RGS7: variants seen among roughly 807,000 people sequenced by gnomAD.
RGS7 encodes regulator of G protein signaling 7, also known as regulator of G-protein signaling 7.
In RGS7, 27 loss-of-function variants were observed where a neutral mutation model predicts 81.1. The ratio of observed to expected loss-of-function variants is 0.33; its 90% confidence interval spans 0.25 to 0.46. The LOEUF (loss-of-function observed/expected upper bound fraction) is 0.46. RGS7 is among the 20% of genes least tolerant of loss of function. The probability of loss-of-function intolerance (pLI) is 1.00; values close to 1 mark genes in which losing one functional copy is unlikely to be tolerated. For missense variants in RGS7, 396 were observed against 607.4 expected, an observed-to-expected ratio of 0.65 and a Z score of 3.66; for synonymous variants, 208 against 207.7, an observed-to-expected ratio of 1.00 and a Z score of -0.01.
intron 16 of RGS7, among the ~76,000 whole-genome samples, chr1:240,801,789 C>A (rs12127731): frequency 6.6e-6 from 1 of 152,108 alleles, no homozygotes; most frequent in Non-Finnish European, 1.5e-5. Context: ...ATATGTGAAG[C>A]CTTTATACTG....
Position 241,355,833 on chromosome 1 carries a change from A to AG in RGS7, c.-50-8dup. On this transcript the variant is annotated splice_region_variant and splice_polypyrimidine_tract_variant and intron_variant, in intron 1 of 18. Transcript: ENST00000440928. ...CAAGAATTATCAGTGTGCCCTGCAA[A>AG]GGGTCAGAGAGACTTCAGTGAGATC... is the stretch of plus-strand genomic sequence containing the variant. 7.0e-7 allele frequency: 1 copy of AG among 1,437,866 alleles called. No individual in the cohort carries two copies. Among genetic ancestry groups the AG allele is most frequent in the Non-Finnish European group, 9.8e-7 (1 of 1,019,468 alleles). The allele number at this position is 1,437,866 out of a possible 1,614,324, so 89.1% of individuals were successfully genotyped here. A position where few individuals can be genotyped will look rare whatever the true frequency, so the allele number is the denominator to read the frequency against.
intron 3 of RGS7, among the ~76,000 whole-genome samples, chr1:241,030,671 C>A (rs1300578224): frequency 6.6e-6 from 1 of 152,070 alleles, no homozygotes; most frequent in Non-Finnish European, 1.5e-5. Flanking sequence ...CTAGTCTCAG[C>A]CACTATCATC....
intron 2 of RGS7, among the ~76,000 whole-genome samples, chr1:241,239,980 T>C (rs1034580661): frequency 2.6e-5 from 4 of 152,092 alleles, no homozygotes; most frequent in African/African-American, 4.8e-5. Flanking sequence ...AATAAATGGA[T>C]TATACGCAGG....
chr1:240,792,094 T>C (rs1686109557), intron 18 of RGS7, among the ~76,000 whole-genome samples: 1 of 152,190 alleles, frequency 6.6e-6, no homozygotes, highest in South Asian at 2.1e-4. Context: ...TGAATAATAA[T>C]TCAAGTTCAA....
chr1:241,043,196 G>A (rs888841244), intron 3 of RGS7, among the ~76,000 whole-genome samples: 1 of 151,932 alleles, frequency 6.6e-6, no homozygotes, highest in Non-Finnish European at 1.5e-5. Context: ...TCTTTAAAAT[G>A]TTCTGAATCT....
chr1:240,957,581 A>G (rs2148460283), intron 4 of RGS7, among the ~76,000 whole-genome samples: 1 of 152,372 alleles, frequency 6.6e-6, no homozygotes, highest in South Asian at 2.1e-4. Context: ...GATGTCTTGG[A>G]TGGAACCCTG....
chr1:241,069,203 T>C (rs912512886), intron 3 of RGS7, among the ~76,000 whole-genome samples: 1 of 152,262 alleles, frequency 6.6e-6, no homozygotes, highest in Non-Finnish European at 1.5e-5. Context: ...TCTTGGCCAC[T>C]ATCATGTCCT....
chr1:241,287,074 G>A (rs556555201), intron 2 of RGS7, among the ~76,000 whole-genome samples: 1 of 152,322 alleles, frequency 6.6e-6, no homozygotes, highest in South Asian at 2.1e-4. Context: ...ATTCTAAACT[G>A]ATCAATGCTG....
intron 9 of RGS7, among the ~76,000 whole-genome samples, chr1:240,854,895 T>C (rs887598800): frequency 1.3e-5 from 2 of 152,168 alleles, no homozygotes; most frequent in Admixed American, 1.3e-4. Flanking sequence ...ATGCAGTGCT[T>C]GGGATGGGAT....
chr1:240,779,608 AACTGTG>A (rs1683635168), intron 18 of RGS7, among the ~76,000 whole-genome samples: 1 of 152,106 alleles, frequency 6.6e-6, no homozygotes, highest in Non-Finnish European at 1.5e-5. Flanking sequence ...CAGCTTCTAG[AACTGTG>A]AGAGATAAAT....
chr1:240,920,140 T>C (rs1378738961), intron 6 of RGS7: 2 of 948,256 alleles, frequency 2.1e-6, no homozygotes, highest in Non-Finnish European at 3.4e-6. Flanking sequence ...AAGACGGTCA[T>C]TCAGAAATAC....
In RGS7 at chr1:240,909,096, T is replaced by C. The variant is rs117369940; in HGVS notation, c.385+21621A>G. Among the ~76,000 whole-genome samples, 9 of 152,344 alleles carry C rather than the reference T, an allele frequency of 5.9e-5. No individual in the cohort carries two copies. In the East Asian group the frequency reaches 1.7e-3, roughly 29 times the overall value. Reference sequence around the variant, plus strand: ...CCTTGGATAATTGGGATTCCAGTAATTTTCCATTCCAAGAGGATGTTTTAT... The same window carrying C: ...CCTTGGATAATTGGGATTCCAGTAACTTTCCATTCCAAGAGGATGTTTTAT... On this transcript the variant is annotated intron_variant, in intron 6 of 18. Transcript: ENST00000440928.
chr1:241,191,044 C>T lies in RGS7; in HGVS notation c.79-92282G>A, dbSNP rs150594064. Among the ~76,000 whole-genome samples the T allele has an allele frequency of 7.7e-3, 1,172 of 151,686 alleles. 10 individuals carry two copies. Among genetic ancestry groups the T allele is most frequent in the African/African-American group, 0.026 (1,090 of 41,328 alleles). On this transcript the variant is annotated intron_variant, in intron 2 of 18. Coordinates refer to ENST00000440928, the MANE Select transcript of RGS7 (RefSeq NM_001364886.1). ...GTCGCCAGGCTGGAGTGCAGTGGTG[C>T]GATCTTGGCTCACTGCAACCTCCGC...
chr1:241,107,915 G>A (rs10926413), intron 2 of RGS7, among the ~76,000 whole-genome samples: 18,408 of 152,034 alleles, frequency 0.12, 1,160 homozygotes, highest in African/African-American at 0.15. Context: ...CCCATTGAAC[G>A]ATACATGGAT....
chr1:241,208,064 C>G (rs2074025197), intron 2 of RGS7, among the ~76,000 whole-genome samples: 1 of 152,112 alleles, frequency 6.6e-6, no homozygotes, highest in Non-Finnish European at 1.5e-5. Context: ...CGCCACTGTG[C>G]CTGGCTAATT....
intron 2 of RGS7, among the ~76,000 whole-genome samples, chr1:241,151,898 G>A (rs771330722): frequency 6.6e-6 from 1 of 152,188 alleles, no homozygotes; most frequent in Non-Finnish European, 1.5e-5. Flanking sequence ...TCGATATCAT[G>A]AATGGAATAC....
intron 9 of RGS7, among the ~76,000 whole-genome samples, chr1:240,846,737 C>T (rs950754507): frequency 6.6e-6 from 1 of 152,082 alleles, no homozygotes; most frequent in African/African-American, 2.4e-5. Flanking sequence ...GATGACATAC[C>T]ACTTATGAGA....
intron 6 of RGS7, among the ~76,000 whole-genome samples, chr1:240,883,527 T>C (rs1275477610): frequency 1.3e-5 from 2 of 152,176 alleles, no homozygotes; most frequent in Non-Finnish European, 2.9e-5. Context: ...GCTGATTCCC[T>C]GCCTGGAAAT....
chr1:241,013,836 A>G (rs2148668820), intron 3 of RGS7, among the ~76,000 whole-genome samples: 1 of 152,362 alleles, frequency 6.6e-6, no homozygotes, highest in East Asian at 1.9e-4. Flanking sequence ...AAATGACTCC[A>G]CCATATCATG....
Sources: gnomAD v4.1 joint callset for allele counts (sites outside exome capture counted in the v4.1 genomes callset) on GRCh38, gnomAD v4.1.1 for gene constraint, MANE v1.5 for transcripts, NCBI Gene and HGNC (gene_info 2026-07-23, HGNC 2026-07-21) for gene names.